The following SMARCA1 variants were observed in gnomAD, a reference collection of about 807,000 sequenced individuals.
SMARCA1 encodes the protein SNF2 related chromatin remodeling ATPase 1.
Under a neutral mutation model 93.6 loss-of-function variants are expected in SMARCA1, and 17 were observed. That is an observed-to-expected ratio of 0.18 (90% CI 0.12 to 0.27). The LOEUF (loss-of-function observed/expected upper bound fraction) is 0.27. Among genes scored for constraint, SMARCA1 ranks in the 10% least tolerant of loss-of-function variants. The probability of loss-of-function intolerance (pLI) is 1.00; values close to 1 mark genes in which losing one functional copy is unlikely to be tolerated. For missense variants in SMARCA1, 630 were observed against 819.0 expected (o/e 0.77, Z 2.82); for synonymous variants, 271 against 271.4 (o/e 1.00, Z 0.01).
intron 13 of SMARCA1, 64 bp from the exon 14 acceptor site, chrX:129,492,157 C>A: frequency 3.1e-6 from 2 of 652,014 alleles, no homozygotes; most frequent in Non-Finnish European, 4.7e-6. Flanking sequence ...CCATCAGGGT[C>A]CTTAAGAAAC....
chrX:129,489,946 A>G, intron 15 of SMARCA1, 114 bp downstream of exon 15: 1 of 494,884 alleles, frequency 2.0e-6, no homozygotes, highest in South Asian at 3.9e-5. Flanking sequence ...TGATGTTTCA[A>G]TTTTTCCTCT....
At chrX:129,464,389 G>A (rs1340031116) in intron 23 of SMARCA1, among the ~76,000 whole-genome samples, 1 of 112,154 alleles carries the variant, frequency 8.9e-6, no homozygotes, top group African/African-American at 3.2e-5. Context: ...TTAGTTTCTG[G>A]TTGCTTTTAA....
intron 17 of SMARCA1, among the ~76,000 whole-genome samples, chrX:129,481,945 T>C (rs1933682040): frequency 1.9e-5 from 2 of 104,876 alleles, no homozygotes; most frequent in Admixed American, 2.1e-4. Context: ...TGTCCAACAA[T>C]GATAGACTGG....
At position 129,490,197 on chromosome X, in the gene SMARCA1, T is replaced by C. The variant is rs759200390; in HGVS notation, c.1816-5A>G. 1.7e-6 allele frequency: 2 copies of C among 1,164,755 alleles called. No individual in the cohort carries two copies. Among genetic ancestry groups the C allele is most frequent in the South Asian group, 2.0e-5 (1 of 50,277 alleles). The stretch of plus-strand genomic sequence containing the variant: ...ACCAATACGATGTGCTCGATCCTAG[T>C]AGAAAGAGTTCTAATGTAAGATATT... On this transcript the variant is annotated splice_polypyrimidine_tract_variant and splice_region_variant and intron_variant, in intron 14 of 24. Coordinates refer to ENST00000371121, the MANE Select transcript of SMARCA1 (RefSeq NM_001282874.2).
chrX:129,496,185 A>G (rs1458344861), intron 12 of SMARCA1, among the ~76,000 whole-genome samples: 1 of 99,671 alleles, frequency 1.0e-5, no homozygotes, highest in African/African-American at 3.7e-5. Flanking sequence ...TCACTAAGTG[A>G]CTCATTCCTG....
chrX:129,483,628 T>C (rs1471057848), intron 17 of SMARCA1, among the ~76,000 whole-genome samples: 1 of 112,182 alleles, frequency 8.9e-6, no homozygotes, highest in East Asian at 2.8e-4. Flanking sequence ...ATTTAACCTA[T>C]ACTTGTTTGA....
chrX:129,498,427 G>T (rs1353586034), intron 10 of SMARCA1, among the ~76,000 whole-genome samples: 3 of 110,994 alleles, frequency 2.7e-5, no homozygotes, highest in Non-Finnish European at 5.7e-5. Context: ...TGTCTTCACA[G>T]GTCATTTTTT....
intron 23 of SMARCA1, among the ~76,000 whole-genome samples, chrX:129,462,482 AT>A (rs1182235980): frequency 8.9e-6 from 1 of 112,086 alleles, no homozygotes; most frequent in African/African-American, 3.2e-5. Flanking sequence ...ATCATGAAAT[AT>A]TCTAAAAAGT....
intron 17 of SMARCA1, among the ~76,000 whole-genome samples, chrX:129,484,444 A>AG (rs1400293372): frequency 1.8e-5 from 2 of 111,693 alleles, no homozygotes; most frequent in Non-Finnish European, 3.8e-5. Context: ...AGAAACTAAA[A>AG]GCTATCAGAA....
At chrX:129,465,391 C>G (rs1375566993) in intron 23 of SMARCA1, 129 bp downstream of exon 23, 4 of 468,653 alleles carry the variant, frequency 8.5e-6, no homozygotes, top group Non-Finnish European at 1.5e-5. Flanking sequence ...CACATACACA[C>G]AGAGAGAGAG....
intron 14 of SMARCA1, 73 bp from the exon 15 acceptor site, chrX:129,490,265 T>A: frequency 1.4e-6 from 1 of 714,529 alleles, no homozygotes; most frequent in Admixed American, 3.5e-5. Context: ...TGCTATAAAA[T>A]TCTAAAAATA....
intron 19 of SMARCA1, among the ~76,000 whole-genome samples, chrX:129,475,026 ATTAAAT>A (rs1187509246): frequency 9.0e-6 from 1 of 110,867 alleles, no homozygotes; most frequent in Non-Finnish European, 1.9e-5. Flanking sequence ...CTGTGAGTCA[ATTAAAT>A]CTCTTTTCTT....
chrX:129,477,054 A>G (rs1259955325), intron 19 of SMARCA1, among the ~76,000 whole-genome samples: 1 of 111,749 alleles, frequency 8.9e-6, no homozygotes, highest in Non-Finnish European at 1.9e-5. Context: ...GGCAAGTCTT[A>G]AGACAATACA....
intron 13 of SMARCA1, 27 bp downstream of exon 13, chrX:129,493,013 C>G: frequency 2.2e-6 from 1 of 463,597 alleles, no homozygotes; most frequent in Non-Finnish European, 3.9e-6. Context: ...TGGCAATATG[C>G]ATCAAGAGCC....
chrX:129,485,723 C>A (rs1045427785), intron 17 of SMARCA1, among the ~76,000 whole-genome samples: 3 of 111,338 alleles, frequency 2.7e-5, no homozygotes, highest in Non-Finnish European at 5.7e-5. Flanking sequence ...TGGTGTAGTC[C>A]TCGAGGTAAT....
chrX:129,465,079 G>A (rs993313704), intron 23 of SMARCA1, among the ~76,000 whole-genome samples: 3 of 110,914 alleles, frequency 2.7e-5, no homozygotes, highest in African/African-American at 9.8e-5. Context: ...TATAAAGGGG[G>A]CATTTTGGGG....
intron 23 of SMARCA1, among the ~76,000 whole-genome samples, chrX:129,453,186 G>T (rs1012799166): frequency 9.0e-6 from 1 of 111,679 alleles, no homozygotes; most frequent in Admixed American, 9.5e-5. Context: ...TGGCCCCTAG[G>T]TGTTCAAATA....
At chrX:129,521,074 C>CG (rs1935373219) in intron 1 of SMARCA1, among the ~76,000 whole-genome samples, 1 of 109,988 alleles carries the variant, frequency 9.1e-6, no homozygotes, top group Admixed American at 9.6e-5. Flanking sequence ...TTAGTAGAGA[C>CG]GGGGTTTCAC....
intron 3 of SMARCA1, 89 bp downstream of exon 3, chrX:129,516,242 C>T (rs985009327): frequency 2.4e-5 from 20 of 837,329 alleles, no homozygotes; most frequent in South Asian, 5.1e-5. Flanking sequence ...CAATGAAGAG[C>T]GAAGGGGTGC....
Sources: gnomAD v4.1 joint callset for allele counts (sites outside exome capture counted in the v4.1 genomes callset) on GRCh38, gnomAD v4.1.1 for gene constraint, MANE v1.5 for transcripts, NCBI Gene and HGNC (gene_info 2026-07-23, HGNC 2026-07-21) for gene names.